ATAD2: variants seen among roughly 807,000 people sequenced by gnomAD.
ATAD2 encodes ATPase family AAA domain-containing protein 2.
ATAD2 carries 62 observed loss-of-function variants against 168.9 expected under a neutral mutation model. The observed-to-expected ratio is 0.37, with a 90% CI of 0.30 to 0.45. ATAD2 has a LOEUF of 0.45. Ranked by LOEUF, ATAD2 falls within the 20% of genes least tolerant of loss-of-function variation. The pLI is 1.00. For synonymous variants in ATAD2, 613 were observed against 571.6 expected, an observed-to-expected ratio of 1.07 and a Z score of -1.03; for missense variants, 1,419 against 1,667.8, an observed-to-expected ratio of 0.85 and a Z score of 2.60.
At chr8:123,372,506 T>C in intron 3 of ATAD2, 131 bp downstream of exon 3, 1 of 683,574 alleles carries the variant, frequency 1.5e-6, no homozygotes, top group Non-Finnish European at 2.3e-6. Context: ...CTTCATGGCA[T>C]ATACTTACGT....
intron 1 of ATAD2, chr8:123,380,998 G>C (rs532107552): frequency 1.8e-5 from 4 of 220,216 alleles, no homozygotes; most frequent in South Asian, 1.7e-4. Context: ...GTTTATTATA[G>C]TAGGTACTCA....
chr8:123,345,506 C>CAAAAA (rs34282183), intron 18 of ATAD2, among the ~76,000 whole-genome samples: 2 of 50,122 alleles, frequency 4.0e-5, no homozygotes, highest in Non-Finnish European at 5.5e-5. Flanking sequence ...TATTAAAATA[C>CAAAAA]AAAAAAAAAA....
In ATAD2 at chr8:123,402,702, C is replaced by G. The variant is rs866114910; in HGVS notation, c.-2281-1527G>C. The stretch of plus-strand genomic sequence containing the variant: ...GACTCACCACCGTCCCCAGGTGTAC[C>G]ATTCCTGCCCTCTCCTCAGCTGTAG... On this transcript the variant is annotated intron_variant, in intron 1 of 28. Transcript: ENST00000521903. The surrounding 1 kb of genome is among the most constrained non-coding windows in gnomAD (Gnocchi z 4.8). Among the ~76,000 whole-genome samples the G allele has an allele frequency of 1.6e-4, 24 of 152,262 alleles. No homozygotes were observed. Among genetic ancestry groups the G allele is most frequent in the African/African-American group, 5.8e-4 (24 of 41,544 alleles).
In ATAD2 at chr8:123,356,282, C is replaced by T. The variant is rs1026973781; in HGVS notation, c.1646+107G>A. The T allele has an allele frequency of 1.1e-5, 10 of 885,318 alleles. No homozygotes were observed. In the African/African-American group the frequency reaches 1.5e-4, roughly 14 times the overall value. 54.8% of individuals were successfully genotyped at this position (885,318 alleles called of 1,614,324 possible). ...GGGGTTCTACTACCAAAAAAAGGAA[C>T]TACTAGCTTATAAAGTTTCTTTCAC... On this transcript the variant is annotated intron_variant, in intron 13 of 27. Transcript: ENST00000287394.
At chr8:123,399,565 G>A (rs577893612), upstream of ATAD2, among the ~76,000 whole-genome samples, 1 of 152,058 alleles carries the variant, frequency 6.6e-6, no homozygotes, top group East Asian at 1.9e-4. Context: ...GACTTGAAAG[G>A]TCAATCTGAG....
intron 6 of ATAD2, among the ~76,000 whole-genome samples, chr8:123,370,260 G>T (rs1235493860): frequency 6.6e-6 from 1 of 151,930 alleles, no homozygotes; most frequent in Non-Finnish European, 1.5e-5. Flanking sequence ...AAAAAAGGAA[G>T]TAGAGAAAGA....
At chr8:123,389,960 T>TTTTATATATATATATATATA (rs1392406832) in intron 1 of ATAD2, among the ~76,000 whole-genome samples, 10 of 94,036 alleles carry the variant, frequency 1.1e-4, no homozygotes, top group East Asian at 3.0e-4. Flanking sequence ...TACTATTATT[T>TTTTATATATATATATATATA]TATATATATA....
intron 2 of ATAD2, among the ~76,000 whole-genome samples, chr8:123,377,252 G>C (rs1177705923): frequency 3.9e-5 from 6 of 151,958 alleles, no homozygotes; most frequent in African/African-American, 7.2e-5. Context: ...CTGGGTGACA[G>C]AGCAAGGCAA....
At chr8:123,406,186 G>A (rs1813065838) in intron 1 of ATAD2, among the ~76,000 whole-genome samples, 1 of 151,974 alleles carries the variant, frequency 6.6e-6, no homozygotes, top group Admixed American at 6.6e-5. Context: ...AGACTAGCCT[G>A]GCCAACATAG....
chr8:123,357,175 A>G (rs1226400609), intron 12 of ATAD2, among the ~76,000 whole-genome samples: 2 of 152,212 alleles, frequency 1.3e-5, no homozygotes, highest in Admixed American at 6.5e-5. Flanking sequence ...TAGATCAGAA[A>G]GTATTATCTT....
chr8:123,351,891 G>A (rs369242576), intron 13 of ATAD2, among the ~76,000 whole-genome samples: 147 of 152,144 alleles, frequency 9.7e-4, no homozygotes, highest in African/African-American at 3.4e-3. Context: ...GGGACTACAG[G>A]CACCTGCCAC....
At chr8:123,375,742 G>GGGT (rs1829289834) in intron 2 of ATAD2, among the ~76,000 whole-genome samples, 1 of 152,152 alleles carries the variant, frequency 6.6e-6, no homozygotes, top group Non-Finnish European at 1.5e-5. Flanking sequence ...AGGTCAAGAC[G>GGGT]GGTGAATCAC....
chr8:123,396,946 TA>T (rs10709988), upstream of ATAD2, among the ~76,000 whole-genome samples: 871 of 150,350 alleles, frequency 5.8e-3, 8 homozygotes, highest in African/African-American at 0.019. Context: ...TTTTTTTTTT[TA>T]AATAATTGAG....
intron 13 of ATAD2, 105 bp downstream of exon 13, chr8:123,356,284 A>G (rs1828642919): frequency 1.1e-6 from 1 of 893,376 alleles, no homozygotes; most frequent in Admixed American, 2.7e-5. Context: ...AAAAGGAACT[A>G]CTAGCTTATA....
At position 123,396,413 on chromosome 8, in the gene ATAD2, G is replaced by T. The variant is rs1052316025; in HGVS notation, c.-56C>A. On this transcript the variant is annotated 5_prime_UTR_variant, in exon 1 of 28. Coordinates refer to ENST00000287394, the MANE Select transcript of ATAD2 (RefSeq NM_014109.4). The stretch of plus-strand genomic sequence containing the variant: ...ACCGGAGAGAGATCCAGCTCCAGGC[G>T]CTCGCAGCTCTGGCTCTTCCGCGCT... 1.4e-6 allele frequency: 2 copies of T among 1,457,650 alleles called. No homozygotes were observed. The highest frequency in any genetic ancestry group is 5.1e-5 in the East Asian group (2 of 39,198). The allele number at this position is 1,457,650 out of a possible 1,614,324, so 90.3% of individuals were successfully genotyped here.
chr8:123,355,465 T>C (rs924905579), intron 13 of ATAD2, among the ~76,000 whole-genome samples: 17 of 152,292 alleles, frequency 1.1e-4, no homozygotes, highest in African/African-American at 2.6e-4. Context: ...GTTGGGACAA[T>C]AGCACTTGTA....
At position 123,401,454 on chromosome 8, in the gene ATAD2, T is replaced by C. The variant is rs1025966247; in HGVS notation, c.-2281-279A>G. ...GGTGTATTACGTCAAACAGAAGTAC[T>C]CCCACCTCCAGGTGATTGGGGGGAA... is the stretch of plus-strand genomic sequence containing the variant. On this transcript the variant is annotated intron_variant, in intron 1 of 28. Transcript: ENST00000521903. 23 of 1,476,240 alleles carry C rather than the reference T, an allele frequency of 1.6e-5. No individual in the cohort carries two copies. The African/African-American group carries it at 2.8e-4, about 18-fold the overall frequency. 91.4% of individuals were successfully genotyped at this position (1,476,240 alleles called of 1,614,324 possible). A position where few individuals can be genotyped will look rare whatever the true frequency, so the allele number is the denominator to read the frequency against.
chr8:123,371,793 A>G lies in ATAD2; in HGVS notation c.413T>C (p.Ile138Thr), dbSNP rs1399191977. ...PVTRSLRARN[I>T]VQSTEHLHED... The stretch of plus-strand genomic sequence containing the variant: ...ATGTAAGTGTTCTGTACTTTGAACG[A>G]TGTTTCTAGCCCTCAATGACCGAGT... Residue 138 changes from isoleucine to threonine, a missense_variant, in exon 4 of 28, where the codon ATC becomes ACC. By Grantham distance (89) the Ile-to-Thr change is moderately conservative. Around this residue, in one of 5 missense-constraint regions of ATAD2, gnomAD observed 419 missense variants for 423.5 expected, o/e 0.99. Coordinates refer to ENST00000287394, the MANE Select transcript of ATAD2 (RefSeq NM_014109.4). 1.2e-6 allele frequency: 2 copies of G among 1,611,806 alleles called. No homozygotes were observed. The highest frequency in any genetic ancestry group is 2.7e-5 in the African/African-American group (2 of 74,870).
intron 13 of ATAD2, among the ~76,000 whole-genome samples, chr8:123,354,864 A>AAAACATATATATATATATAT (rs1554644338): frequency 1.5e-5 from 1 of 64,708 alleles, no homozygotes; most frequent in African/African-American, 8.7e-5. Context: ...AAAAAAAAAA[A>AAAACATATATATATATATAT]ATATATATAT....
Sources: gnomAD v4.1 joint callset for allele counts (sites outside exome capture counted in the v4.1 genomes callset) on GRCh38, gnomAD v4.1.1 for gene constraint, gnomAD v4.1.1 regional missense constraint, Gnocchi (gnomAD v3.1) non-coding constraint, MANE v1.5 for transcripts, NCBI Gene and HGNC (gene_info 2026-07-23, HGNC 2026-07-21) for gene names.